The following PLD1 variants were observed in gnomAD, a reference collection of about 807,000 sequenced individuals.
PLD1 encodes phospholipase D1.
Under a neutral mutation model 137.1 loss-of-function variants are expected in PLD1, and 112 were observed. The observed-to-expected ratio is 0.82, with a 90% CI of 0.70 to 0.96. The LOEUF is 0.96. PLD1 is among the 40% of genes least tolerant of loss of function. The probability of loss-of-function intolerance (pLI) is 0.00; values close to 1 mark genes in which losing one functional copy is unlikely to be tolerated. For synonymous variants in PLD1, 431 were observed against 454.7 expected (o/e 0.95, Z 0.66); for missense variants, 1,321 against 1,342.0 (o/e 0.98, Z 0.24).
At chr3:171,779,992 TAG>T (rs1463814834) in intron 1 of PLD1, among the ~76,000 whole-genome samples, 35 of 151,888 alleles carry the variant, frequency 2.3e-4, no homozygotes, top group African/African-American at 7.0e-4. Flanking sequence ...GGCCTGGGGT[TAG>T]GATATGTAAG....
chr3:171,632,840 T>G (rs1734789784), intron 23 of PLD1, among the ~76,000 whole-genome samples: 2 of 152,218 alleles, frequency 1.3e-5, no homozygotes, highest in South Asian at 4.1e-4. Flanking sequence ...AGCACATCTA[T>G]GTGCCATGCC....
intron 8 of PLD1, among the ~76,000 whole-genome samples, chr3:171,716,364 A>G (rs1032652942): frequency 6.6e-6 from 1 of 152,228 alleles, no homozygotes; most frequent in Non-Finnish European, 1.5e-5. Flanking sequence ...AGCAGCATAT[A>G]AGCATTTCCT....
intron 21 of PLD1, among the ~76,000 whole-genome samples, chr3:171,650,020 TC>T (rs1202325334): frequency 6.6e-6 from 1 of 152,178 alleles, no homozygotes; most frequent in East Asian, 1.9e-4. Context: ...AAATCATTTT[TC>T]CCTTTAAATG....
At chr3:171,769,075 CT>C (rs376715180) in intron 1 of PLD1, among the ~76,000 whole-genome samples, 1 of 151,974 alleles carries the variant, frequency 6.6e-6, no homozygotes, top group Non-Finnish European at 1.5e-5. Flanking sequence ...CTGTACAGTC[CT>C]TTTTTTTCTC....
intron 19 of PLD1, among the ~76,000 whole-genome samples, chr3:171,665,791 C>T (rs909711399): frequency 6.6e-6 from 1 of 152,020 alleles, no homozygotes; most frequent in African/African-American, 2.4e-5. Context: ...ACCTGCAAAA[C>T]CATCAAGTAT....
At chr3:171,645,823 G>A (rs913202144) in intron 21 of PLD1, among the ~76,000 whole-genome samples, 1 of 145,730 alleles carries the variant, frequency 6.9e-6, no homozygotes, top group Non-Finnish European at 1.5e-5. Context: ...GGCGGAGCTT[G>A]CAGTCAGCAG....
In PLD1 at chr3:171,746,181, G is replaced by T. The variant is rs575719637; in HGVS notation, c.-31-8099C>A. Among the ~76,000 whole-genome samples the T allele has an allele frequency of 6.6e-4, 101 of 152,278 alleles. 1 individual carries two copies. Among genetic ancestry groups the T allele is most frequent in the African/African-American group, 2.4e-3 (98 of 41,574 alleles). ...GAGCCCCTCCCCTCCGCGGGCTCCC[G>T]CACAGCCGGAGCCTCCACGGGCACC... On this transcript the variant is annotated intron_variant, in intron 1 of 26. Coordinates refer to ENST00000351298, the MANE Select transcript of PLD1 (RefSeq NM_002662.5).
chr3:171,737,915 G>A lies in PLD1; in HGVS notation c.137C>T (p.Pro46Leu), dbSNP rs1405909876. The A allele has an allele frequency of 2.5e-6, 4 of 1,613,484 alleles. No individual in the cohort carries two copies. In the African/African-American group the frequency reaches 4.0e-5, roughly 16 times the overall value. ...EGEEVDYDVS[P>L]SDPKIQEVYI... ...ACCTTCTTGTATCTTGGGATCGCTG[G>A]GAGACACGTCGTAGTCTACCTCCTC... is the stretch of plus-strand genomic sequence containing the variant. The change falls in exon 2 of 27, where the codon CCC becomes CTC. Residue 46 changes from proline (P) to leucine (L), a missense_variant. Pro to Leu is a moderately conservative substitution (Grantham distance 98). Coordinates refer to ENST00000351298, the MANE Select transcript of PLD1 (RefSeq NM_002662.5).
chr3:171,723,973 C>T (rs1560252480), intron 8 of PLD1, among the ~76,000 whole-genome samples: 1 of 151,988 alleles, frequency 6.6e-6, no homozygotes, highest in African/African-American at 2.4e-5. Flanking sequence ...TGATTTATTC[C>T]TTTTATGGCT....
chr3:171,671,708 G>C (rs1001670900), intron 19 of PLD1, among the ~76,000 whole-genome samples: 1 of 151,794 alleles, frequency 6.6e-6, no homozygotes, highest in Non-Finnish European at 1.5e-5. Flanking sequence ...ATTCCTTCTT[G>C]GTGGTTTTAT....
intron 23 of PLD1, among the ~76,000 whole-genome samples, chr3:171,639,515 A>G (rs1261071457): frequency 1.1e-5 from 1 of 93,598 alleles, no homozygotes; most frequent in Non-Finnish European, 1.9e-5. Context: ...AATAAATAAT[A>G]TATATTCATA....
At chr3:171,682,940 A>G (rs1714161216) in intron 16 of PLD1, among the ~76,000 whole-genome samples, 1 of 152,228 alleles carries the variant, frequency 6.6e-6, no homozygotes, top group South Asian at 2.1e-4. Flanking sequence ...TTTGACTATA[A>G]AAGTAAAATG....
At chr3:171,798,114 T>G (rs1412091873) in intron 1 of PLD1, among the ~76,000 whole-genome samples, 1 of 152,222 alleles carries the variant, frequency 6.6e-6, no homozygotes, top group Admixed American at 6.5e-5. Context: ...TGTCCTATTA[T>G]ATAACCAGCA....
chr3:171,713,750 T>A, intron 9 of PLD1, 143 bp downstream of exon 9: 1 of 656,100 alleles, frequency 1.5e-6, no homozygotes. Context: ...AGGAAAAAAG[T>A]GGTTTCATTA....
At chr3:171,727,639 G>T (rs1341353310) in intron 6 of PLD1, among the ~76,000 whole-genome samples, 1 of 152,128 alleles carries the variant, frequency 6.6e-6, no homozygotes, top group Non-Finnish European at 1.5e-5. Flanking sequence ...AGTTCTGTGG[G>T]ATGAACCACA....
chr3:171,688,898 C>T (rs1250595446), intron 13 of PLD1, 22 bp from the exon 14 acceptor site: 6 of 1,572,452 alleles, frequency 3.8e-6, no homozygotes, highest in Non-Finnish European at 5.2e-6. Context: ...ATAATCCCCA[C>T]TGATAATATG....
At position 171,605,314 on chromosome 3, in the gene PLD1, AGCAT is replaced by A. The variant is rs775082158; in HGVS notation, c.2981_2984del (p.Asn994IlefsTer19). ...TGAACTTCACCTTGTCATAAATTGT[AGCAT>A]TTCGAGCTGCTGTTGAAACCCACAC... On this transcript the variant is annotated frameshift_variant, in exon 26 of 27. Coordinates refer to ENST00000351298, the MANE Select transcript of PLD1 (RefSeq NM_002662.5). LOFTEE classifies it high-confidence loss of function. 1 of 1,598,390 alleles carries A rather than the reference AGCAT, an allele frequency of 6.3e-7. No homozygotes were observed. The highest frequency in any genetic ancestry group is 8.6e-7 in the Non-Finnish European group (1 of 1,165,690).
At chr3:171,685,979 C>T (rs796934366) in intron 16 of PLD1, among the ~76,000 whole-genome samples, 11 of 152,144 alleles carry the variant, frequency 7.2e-5, no homozygotes, top group African/African-American at 2.6e-4. Context: ...ATTAGCCAGG[C>T]ACGGTCATGC....
At chr3:171,753,558 G>T (rs957827652) in intron 1 of PLD1, among the ~76,000 whole-genome samples, 12 of 152,138 alleles carry the variant, frequency 7.9e-5, no homozygotes, top group African/African-American at 2.7e-4. Context: ...ATAACCTCAT[G>T]CATTTCACTT....
Sources: gnomAD v4.1 joint callset for allele counts (sites outside exome capture counted in the v4.1 genomes callset) on GRCh38, gnomAD v4.1.1 for gene constraint, MANE v1.5 for transcripts, NCBI Gene and HGNC (gene_info 2026-07-23, HGNC 2026-07-21) for gene names.